The following DPYSL3 variants were observed in gnomAD, a reference collection of about 807,000 sequenced individuals.
DPYSL3 encodes the protein dihydropyrimidinase-related protein 3.
In DPYSL3, 16 loss-of-function variants were observed where a neutral mutation model predicts 66.1. The ratio of observed to expected loss-of-function variants is 0.24; its 90% CI spans 0.16 to 0.37. The LOEUF (loss-of-function observed/expected upper bound fraction) is 0.37, where lower values mean the gene tolerates loss of function less well. Ranked by LOEUF, DPYSL3 falls within the 10% of genes least tolerant of loss-of-function variation. DPYSL3 has a pLI of 1.00. For synonymous variants in DPYSL3, 338 were observed against 345.1 expected (o/e 0.98, Z 0.23); for missense variants, 738 against 916.2 (o/e 0.81, Z 2.51).
At chr5:147,412,503 A>G (rs1751874416) in intron 6 of DPYSL3, 105 bp downstream of exon 6, 2 of 1,140,156 alleles carry the variant, frequency 1.8e-6, no homozygotes. Flanking sequence ...CAAGGTACTT[A>G]TGATGGTGCC....
intron 1 of DPYSL3, among the ~76,000 whole-genome samples, chr5:147,441,149 T>C (rs1267672686): frequency 6.6e-6 from 1 of 152,226 alleles, no homozygotes; most frequent in African/African-American, 2.4e-5. Flanking sequence ...GTTTTTAATT[T>C]TTTCATTCTT....
intron 1 of DPYSL3, among the ~76,000 whole-genome samples, chr5:147,488,841 C>A (rs1322805418): frequency 7.2e-5 from 11 of 151,956 alleles, no homozygotes. Flanking sequence ...ATGGCAAAAC[C>A]CTGTCTCTAC....
At chr5:147,462,184 G>C (rs1307432370) in intron 1 of DPYSL3, among the ~76,000 whole-genome samples, 1 of 152,070 alleles carries the variant, frequency 6.6e-6, no homozygotes, top group Non-Finnish European at 1.5e-5. Flanking sequence ...ATTGTACATA[G>C]CCACTGACCT....
chr5:147,480,471 T>C (rs933504789), intron 1 of DPYSL3, among the ~76,000 whole-genome samples: 1 of 152,266 alleles, frequency 6.6e-6, no homozygotes, highest in South Asian at 2.1e-4. Flanking sequence ...CCCCTCTGTC[T>C]GAAGCACCTA....
At chr5:147,407,729 G>A (rs1272011593) in intron 7 of DPYSL3, among the ~76,000 whole-genome samples, 1 of 152,092 alleles carries the variant, frequency 6.6e-6, no homozygotes, top group African/African-American at 2.4e-5. Context: ...TAAGGAGACA[G>A]ACTTCAGGGA....
At chr5:147,492,361 T>C (rs1753428741) in intron 1 of DPYSL3, among the ~76,000 whole-genome samples, 1 of 152,046 alleles carries the variant, frequency 6.6e-6, no homozygotes, top group Admixed American at 6.6e-5. Flanking sequence ...AGAGAATAAA[T>C]AAGTAAAGGT....
chr5:147,481,600 T>C (rs1364198773), intron 1 of DPYSL3, among the ~76,000 whole-genome samples: 1 of 152,240 alleles, frequency 6.6e-6, no homozygotes, highest in East Asian at 1.9e-4. Flanking sequence ...ATTGCAAACG[T>C]AATCCCTAAT....
chr5:147,414,557 G>A (rs1751923061), intron 4 of DPYSL3, among the ~76,000 whole-genome samples: 1 of 152,142 alleles, frequency 6.6e-6, no homozygotes, highest in Non-Finnish European at 1.5e-5. Context: ...TCAACTCAGG[G>A]CAGTCTTCCC....
At chr5:147,500,759 CAAT>C (rs909354324) in intron 1 of DPYSL3, among the ~76,000 whole-genome samples, 1 of 151,874 alleles carries the variant, frequency 6.6e-6, no homozygotes, top group African/African-American at 2.4e-5. Context: ...ATTAAAACAA[CAAT>C]GAGATACCAC....
At chr5:147,490,181 G>C (rs1303795403) in intron 1 of DPYSL3, among the ~76,000 whole-genome samples, 1 of 151,998 alleles carries the variant, frequency 6.6e-6, no homozygotes, top group East Asian at 1.9e-4. Context: ...TCCTGATTTT[G>C]CACACCCCAG....
chr5:147,409,653 G>A (rs1751806636), intron 6 of DPYSL3, among the ~76,000 whole-genome samples: 1 of 152,148 alleles, frequency 6.6e-6, no homozygotes. Context: ...CACATGAACT[G>A]ATTGGAACTG....
chr5:147,437,331 A>G lies in DPYSL3; in HGVS notation c.382-12368T>C, dbSNP rs550611141. 2.0e-5 allele frequency among the ~76,000 whole-genome samples: 3 copies of G among 152,312 alleles called. No individual in the cohort carries two copies. The East Asian group carries it at 5.8e-4, about 29-fold the overall frequency. On this transcript the variant is annotated intron_variant, in intron 1 of 13. Coordinates refer to ENST00000343218, the MANE Select transcript of DPYSL3 (RefSeq NM_001197294.2). ...GCCAAAATGCAACTCCCAGAGGAGG[A>G]ATGCGGGCTCAGGCCTTGGAATGTG...
chr5:147,453,440 T>TC, intron 1 of DPYSL3: 1 of 1,383,470 alleles, frequency 7.2e-7, no homozygotes, highest in Non-Finnish European at 9.4e-7. Context: ...TCTCCGTCCC[T>TC]CCCCGGGGAC....
chr5:147,405,971 C>T (rs1413896178), intron 7 of DPYSL3: 3 of 360,292 alleles, frequency 8.3e-6, no homozygotes, highest in Non-Finnish European at 1.5e-5. Flanking sequence ...GCATTGTCAT[C>T]TGAGAGCAAT....
chr5:147,499,676 C>T (rs1561807133), intron 1 of DPYSL3, among the ~76,000 whole-genome samples: 2 of 152,132 alleles, frequency 1.3e-5, no homozygotes. Context: ...AAGATTCTAG[C>T]ACGTTGTTTT....
intron 13 of DPYSL3, among the ~76,000 whole-genome samples, chr5:147,395,228 C>T (rs1313291141): frequency 2.6e-5 from 4 of 152,182 alleles, no homozygotes; most frequent in Admixed American, 6.5e-5. Flanking sequence ...TGTTGCATAG[C>T]GCTCATAGGC....
At chr5:147,418,112 CT>C (rs1222508010) in intron 3 of DPYSL3, among the ~76,000 whole-genome samples, 1 of 152,210 alleles carries the variant, frequency 6.6e-6, no homozygotes, top group Non-Finnish European at 1.5e-5. Context: ...AATGTTTCAT[CT>C]TCTATCCATA....
intron 1 of DPYSL3, among the ~76,000 whole-genome samples, chr5:147,434,966 T>C (rs1344171637): frequency 6.6e-6 from 1 of 152,108 alleles, no homozygotes; most frequent in East Asian, 1.9e-4. Context: ...ACCACACCAA[T>C]GTAAGGTGTT....
Position 147,412,662 on chromosome 5 carries a change from T to C in DPYSL3, c.909A>G (p.Gly303=). Residue 303 remains glycine, a synonymous_variant, in exon 6 of 14, where the codon GGA becomes GGG. Transcript: ENST00000343218. The part of the protein sequence containing the change: ...TELYEIFTCL[G]ELGAIAQVHA... ...GAACTTGAGCAATGGCCCCCAGCTC[T>C]CCCAGGCAGGTGAAGATCTCATAGA... is the stretch of plus-strand genomic sequence containing the variant. 1 of 1,612,704 alleles carries C rather than the reference T, an allele frequency of 6.2e-7. No homozygotes were observed. The highest frequency in any genetic ancestry group is 8.5e-7 in the Non-Finnish European group (1 of 1,179,462).
Sources: allele counts gnomAD v4.1 joint callset (sites outside exome capture counted in the v4.1 genomes callset), GRCh38; gene constraint gnomAD v4.1.1; transcripts MANE v1.5; gene names NCBI Gene and HGNC (gene_info 2026-07-23, HGNC 2026-07-21).